The following NT5C2 variants were observed in gnomAD, a reference collection of about 807,000 sequenced individuals.
NT5C2 encodes cytosolic purine 5'-nucleotidase.
A neutral mutation model predicts 76.1 loss-of-function variants in NT5C2; 58 were observed. The observed-to-expected ratio is 0.76, with a 90% CI of 0.62 to 0.95. The LOEUF is 0.95. Ranked by LOEUF, NT5C2 falls within the 40% of genes least tolerant of loss-of-function variation. The probability of loss-of-function intolerance (pLI) is 0.00; values close to 1 mark genes in which losing one functional copy is unlikely to be tolerated. For missense variants in NT5C2, 478 were observed against 690.3 expected (o/e 0.69, Z 3.45); for synonymous variants, 229 against 237.4 (o/e 0.96, Z 0.32).
At chr10:103,094,059 T>C (rs908578291) in intron 13 of NT5C2, 21 bp from the exon 14 acceptor site, 115 of 1,592,928 alleles carry the variant, frequency 7.2e-5, no homozygotes, top group Non-Finnish European at 9.8e-5. Flanking sequence ...AATATGGATT[T>C]TGTAATACTT....
chr10:103,154,050 TA>T (rs2133842779), intron 3 of NT5C2, among the ~76,000 whole-genome samples: 3 of 152,234 alleles, frequency 2.0e-5, no homozygotes, highest in African/African-American at 7.2e-5. Context: ...TTCTAAAGGT[TA>T]ATTCCAAATC....
Position 103,089,063 on chromosome 10 carries a change from T to C in NT5C2, c.*609A>G, listed in dbSNP as rs138994297. The C allele has an allele frequency of 7.2e-4, 160 of 221,150 alleles. No homozygotes were observed. In the East Asian group the frequency reaches 0.01, roughly 14 times the overall value. 13.7% of individuals were successfully genotyped at this position (221,150 alleles called of 1,614,324 possible). A position where few individuals can be genotyped will look rare whatever the true frequency, so the allele number is the denominator to read the frequency against. ...AAGGATACTGTCTTTTCCCTCAAAA[T>C]AGAATCCTGCCCTAAAGCAACGCAA... On this transcript the variant is annotated 3_prime_UTR_variant, in exon 19 of 19. Transcript: ENST00000404739.
At chr10:103,167,636 T>C (rs1354728316) in intron 3 of NT5C2, among the ~76,000 whole-genome samples, 3 of 152,088 alleles carry the variant, frequency 2.0e-5, no homozygotes, top group African/African-American at 7.2e-5. Context: ...TCCCCTTTTT[T>C]TGTTTTTGTT....
At chr10:103,113,154 A>C (rs2073472015) in intron 4 of NT5C2, among the ~76,000 whole-genome samples, 1 of 152,234 alleles carries the variant, frequency 6.6e-6, no homozygotes, top group South Asian at 2.1e-4. Context: ...TTAGTAATAC[A>C]AAGTAAAACA....
At chr10:103,174,607 T>C (rs2089343929) in intron 3 of NT5C2, among the ~76,000 whole-genome samples, 2 of 151,594 alleles carry the variant, frequency 1.3e-5, no homozygotes, top group African/African-American at 4.9e-5. Flanking sequence ...AAAAAAAAAT[T>C]TTTATTAACT....
chr10:103,162,474 C>T (rs1391694221), intron 3 of NT5C2, among the ~76,000 whole-genome samples: 1 of 152,128 alleles, frequency 6.6e-6, no homozygotes, highest in African/African-American at 2.4e-5. Context: ...CCTATTTATT[C>T]ATCAGAAAAA....
intron 3 of NT5C2, among the ~76,000 whole-genome samples, chr10:103,158,034 C>T (rs938644257): frequency 2.0e-5 from 3 of 151,462 alleles, no homozygotes; most frequent in African/African-American, 7.3e-5. Context: ...GATCGTGCCA[C>T]TGCACTCCAG....
Position 103,117,787 on chromosome 10 carries a change from T to A in NT5C2, c.176-11081A>T, listed in dbSNP as rs572198441. 3.3e-5 allele frequency among the ~76,000 whole-genome samples: 5 copies of A among 152,318 alleles called. No individual in the cohort carries two copies. The South Asian group carries it at 1.0e-3, about 32-fold the overall frequency. On this transcript the variant is annotated intron_variant, in intron 4 of 18. Coordinates refer to ENST00000404739, the MANE Select transcript of NT5C2 (RefSeq NM_001351169.2). ...ATTACTTTTAGCGTCTACAGCACAT[T>A]ATTCTAGATATCCTCCCTGGTGGCA... is the stretch of plus-strand genomic sequence containing the variant.
chr10:103,109,949 T>C (rs1394166535), intron 4 of NT5C2, among the ~76,000 whole-genome samples: 1 of 152,204 alleles, frequency 6.6e-6, no homozygotes, highest in Non-Finnish European at 1.5e-5. Context: ...CAGGGCAGAA[T>C]TTCCCAAGTG....
intron 1 of NT5C2, among the ~76,000 whole-genome samples, chr10:103,186,300 A>G (rs2092002615): frequency 1.3e-5 from 2 of 152,334 alleles, no homozygotes; most frequent in South Asian, 2.1e-4. Flanking sequence ...AAATTGGTCA[A>G]TATAAACTGT....
At chr10:103,124,669 A>C (rs1298716763) in intron 4 of NT5C2, among the ~76,000 whole-genome samples, 1 of 151,938 alleles carries the variant, frequency 6.6e-6, no homozygotes, top group Non-Finnish European at 1.5e-5. Context: ...TTTTAAAAAA[A>C]TTAAATGAAG....
chr10:103,094,146 AC>A (rs2067601749), intron 13 of NT5C2, 108 bp from the exon 14 acceptor site: 1 of 809,324 alleles, frequency 1.2e-6, no homozygotes, highest in Non-Finnish European at 2.0e-6. Context: ...ACTTGGCCAG[AC>A]AGCCAAATGA....
At chr10:103,190,061 C>T (rs1366434369) in intron 1 of NT5C2, among the ~76,000 whole-genome samples, 4 of 134,076 alleles carry the variant, frequency 3.0e-5, no homozygotes, top group South Asian at 2.4e-4. Flanking sequence ...GAGTGCGTGG[C>T]GCAATCTCAG....
chr10:103,168,864 T>A (rs2087063084), intron 3 of NT5C2, among the ~76,000 whole-genome samples: 1 of 152,260 alleles, frequency 6.6e-6, no homozygotes, highest in Admixed American at 6.5e-5. Context: ...CGATGTATAC[T>A]TTGTGATAAT....
rs117934336 is a variant in NT5C2 at position 103,109,102 on chromosome 10, G to A, written c.176-2396C>T. Among the ~76,000 whole-genome samples the A allele has an allele frequency of 4.1e-3, 622 of 152,056 alleles. 20 individuals carry two copies. In the East Asian group the frequency reaches 0.071, roughly 17 times the overall value. On this transcript the variant is annotated intron_variant, in intron 4 of 18. Transcript: ENST00000404739. ...TGACCTCAAGTGATCCGCCTGCCTC[G>A]GGCTCCCAAAGTGCTGCTATTACAG...
intron 4 of NT5C2, among the ~76,000 whole-genome samples, chr10:103,134,270 G>A (rs1398579203): frequency 6.6e-6 from 1 of 152,060 alleles, no homozygotes; most frequent in East Asian, 1.9e-4. Flanking sequence ...CACAGGCCAG[G>A]AGGCCTCAGA....
chr10:103,106,122 G>C lies in NT5C2; in HGVS notation c.294-321C>G, dbSNP rs545558342. ...ATAGTCTTTTTTCTTGGACAACTGA[G>C]AAGGCTTATATTTTTCTCCATTAGA... On this transcript the variant is annotated intron_variant, in intron 5 of 18. Transcript: ENST00000404739. 2.5e-3 allele frequency among the ~76,000 whole-genome samples: 381 copies of C among 152,280 alleles called. 4 individuals carry two copies. Among genetic ancestry groups the C allele is most frequent in the African/African-American group, 8.5e-3 (355 of 41,548 alleles).
intron 4 of NT5C2, among the ~76,000 whole-genome samples, chr10:103,128,992 C>CA: frequency 1.8e-5 from 2 of 112,868 alleles, no homozygotes; most frequent in African/African-American, 3.2e-5. Flanking sequence ...GGTCAACCCC[C>CA]CGCCCGGCCA....
At chr10:103,120,580 C>T (rs1220199023) in intron 4 of NT5C2, among the ~76,000 whole-genome samples, 2 of 152,062 alleles carry the variant, frequency 1.3e-5, no homozygotes, top group African/African-American at 2.4e-5. Flanking sequence ...CATAAGATAC[C>T]GTAACTTCAC....
Sources: allele counts gnomAD v4.1 joint callset (sites outside exome capture counted in the v4.1 genomes callset), GRCh38; gene constraint gnomAD v4.1.1; transcripts MANE v1.5; gene names NCBI Gene and HGNC (gene_info 2026-07-23, HGNC 2026-07-21).